NHEJ1: variants seen among roughly 807,000 people sequenced by gnomAD.
NHEJ1 encodes the protein non-homologous end-joining factor 1.
In NHEJ1, 22 loss-of-function variants were observed where a neutral mutation model predicts 39.4. The observed-to-expected ratio is 0.56, with a 90% CI of 0.40 to 0.80. NHEJ1 has a LOEUF of 0.80. Among genes scored for constraint, NHEJ1 ranks in the 30% least tolerant of loss-of-function variants. The probability of loss-of-function intolerance (pLI) is 0.00; values close to 1 mark genes in which losing one functional copy is unlikely to be tolerated. For synonymous variants in NHEJ1, 154 were observed against 135.6 expected, an observed-to-expected ratio of 1.14 and a Z score of -0.94; for missense variants, 329 against 357.1, an observed-to-expected ratio of 0.92 and a Z score of 0.63.
chr2:219,118,441 C>G (rs1420431668), intron 5 of NHEJ1, among the ~76,000 whole-genome samples: 1 of 151,876 alleles, frequency 6.6e-6, no homozygotes, highest in Non-Finnish European at 1.5e-5. Context: ...CTCCCCAGAG[C>G]TCCGTTATTC....
chr2:219,149,326 G>C (rs556081304), intron 3 of NHEJ1, among the ~76,000 whole-genome samples: 1 of 152,212 alleles, frequency 6.6e-6, no homozygotes, highest in Non-Finnish European at 1.5e-5. Flanking sequence ...CCATTAACCT[G>C]TCAAAAAAAA....
Position 219,089,110 on chromosome 2 carries a change from C to T in NHEJ1, c.589-10904G>A, listed in dbSNP as rs142190120. Among the ~76,000 whole-genome samples, 1,166 of 152,256 alleles carry T rather than the reference C, an allele frequency of 7.7e-3. 11 individuals are homozygous for T. Among genetic ancestry groups the T allele is most frequent in the Non-Finnish European group, 0.012 (824 of 68,020 alleles). The stretch of plus-strand genomic sequence containing the variant: ...CTCGGATTACAGGCATGAGCCATTG[C>T]GCCCAGCCTATACTTCAATTTTAAA... On this transcript the variant is annotated intron_variant, in intron 5 of 7. Transcript: ENST00000356853.
rs188961758 is a variant in NHEJ1 at position 219,156,820 on chromosome 2, G to A, written c.390+652C>T. 2.6e-4 allele frequency among the ~76,000 whole-genome samples: 40 copies of A among 152,302 alleles called. 2 individuals carry two copies. The East Asian group carries it at 6.0e-3, about 23-fold the overall frequency. ...TGCCAGAATAATCTTGATAAACCACGAATTGGATCATGTTAAATTCCTGTT... is the reference window on the plus strand; with the variant it reads ...TGCCAGAATAATCTTGATAAACCACAAATTGGATCATGTTAAATTCCTGTT... On this transcript the variant is annotated intron_variant, in intron 3 of 7. Transcript: ENST00000356853.
At position 219,157,661 on chromosome 2, in the gene NHEJ1, A is replaced by G. The variant is rs752649143; in HGVS notation, c.201T>C (p.Ala67=). 6.2e-7 allele frequency: 1 copy of G among 1,613,954 alleles called. No individual in the cohort carries two copies. The highest frequency in any genetic ancestry group is 8.5e-7 in the Non-Finnish European group (1 of 1,179,932). Residue 67 remains alanine (A), a synonymous_variant, in exon 3 of 8, where the codon GCT becomes GCC. Transcript: ENST00000356853. ...RAKELNKRLT[A]PPAAFLCHLD... ...AATGACAGAGGAAAGCTGCAGGAGG[A>G]GCAGTGAGCCGCTTGTTCAGCTCCT...
At chr2:219,141,919 T>A (rs1367821787) in intron 5 of NHEJ1, among the ~76,000 whole-genome samples, 3 of 151,970 alleles carry the variant, frequency 2.0e-5, no homozygotes. Context: ...AGATGGCAAT[T>A]TTCAAGTTAA....
rs1253648650 is a variant in NHEJ1 at position 219,159,556 on chromosome 2, TATATATGCATATATATATGC to T, written c.-1+1144_-1+1163del. Among the ~76,000 whole-genome samples, 141 of 16,548 alleles carry T rather than the reference TATATATGCATATATATATGC, an allele frequency of 8.5e-3. 8 individuals are homozygous for T. Among genetic ancestry groups the T allele is most frequent in the African/African-American group, 0.014 (119 of 8,644 alleles). 10.9% of individuals were successfully genotyped at this position (16,548 alleles called of 152,430 possible). The stretch of plus-strand genomic sequence containing the variant: ...ATATATGCATATATATATATGCATA[TATATATGCATATATATATGC>T]ATATATATATGCATATATATATATG... On this transcript the variant is annotated intron_variant, in intron 1 of 7. Coordinates refer to ENST00000356853, the MANE Select transcript of NHEJ1 (RefSeq NM_024782.3).
chr2:219,076,258 C>A lies in NHEJ1; in HGVS notation c.*123G>T. 6.3e-7 allele frequency: 1 copy of A among 1,576,824 alleles called. No homozygotes were observed. Among genetic ancestry groups the A allele is most frequent in the South Asian group, 1.2e-5 (1 of 86,832 alleles). ...TCAACATCAACTTCAGTTCTCTCGC[C>A]CTTACAGGAGGCCTCTGACTGTATC... On this transcript the variant is annotated 3_prime_UTR_variant, in exon 8 of 8. Transcript: ENST00000356853.
chr2:219,143,258 G>A (rs1485581391), intron 5 of NHEJ1, among the ~76,000 whole-genome samples: 1 of 152,042 alleles, frequency 6.6e-6, no homozygotes, highest in East Asian at 1.9e-4. Context: ...ACCCTTCTGT[G>A]TCCTGTTTGT....
chr2:219,159,216 T>A (rs1559205932), intron 1 of NHEJ1: 1 of 152,228 alleles, frequency 6.6e-6, no homozygotes, highest in African/African-American at 2.4e-5. Context: ...AATGACAACA[T>A]GCCCAGCCTG....
At chr2:219,153,703 G>GGA (rs1949821264) in intron 3 of NHEJ1, among the ~76,000 whole-genome samples, 1 of 117,008 alleles carries the variant, frequency 8.5e-6, no homozygotes, top group Admixed American at 8.3e-5. Context: ...GGGGGGGGGG[G>GGA]TGGAGAGAGA....
rs1478697005 is a variant in NHEJ1, at chr2:219,137,588, AAAAAC to A, written c.588+9087_588+9091del. On this transcript the variant is annotated intron_variant, in intron 5 of 7. Coordinates refer to ENST00000356853, the MANE Select transcript of NHEJ1 (RefSeq NM_024782.3). ...TTACAGGCAAAAAAAAAAAAAAAAA[AAAAAC>A]AAAAAAAACTGAAAACCACCTTCAG... Among the ~76,000 whole-genome samples the A allele has an allele frequency of 2.1e-4, 29 of 138,456 alleles. 1 individual carries two copies. The highest frequency in any genetic ancestry group is 3.4e-4 in the Non-Finnish European group (21 of 62,272). The allele number at this position is 138,456 out of a possible 152,430, so 90.8% of individuals were successfully genotyped here. A position where few individuals can be genotyped will look rare whatever the true frequency, so the allele number is the denominator to read the frequency against.
At chr2:219,099,999 ACTG>A (rs1949241836) in intron 5 of NHEJ1, among the ~76,000 whole-genome samples, 1 of 152,168 alleles carries the variant, frequency 6.6e-6, no homozygotes, top group African/African-American at 2.4e-5. Flanking sequence ...TGGGAGGTCC[ACTG>A]AGGGGAGGGG....
At chr2:219,106,717 A>G (rs1479767671) in intron 5 of NHEJ1, among the ~76,000 whole-genome samples, 2 of 152,162 alleles carry the variant, frequency 1.3e-5, no homozygotes, top group Non-Finnish European at 2.9e-5. Context: ...GTAGCGCCAT[A>G]CTCAATGTTA....
At chr2:219,077,492 C>T (rs1198541472) in intron 6 of NHEJ1, 128 bp from the exon 7 acceptor site, 2 of 773,550 alleles carry the variant, frequency 2.6e-6, no homozygotes, top group African/African-American at 3.4e-5. Flanking sequence ...ACAGAAGTAG[C>T]CACAAGTCCA....
Position 219,157,456 on chromosome 2 carries a change from T to A in NHEJ1, c.390+16A>T, listed in dbSNP as rs1949865004. 1 of 1,609,954 alleles carries A rather than the reference T, an allele frequency of 6.2e-7. No homozygotes were observed. The highest frequency in any genetic ancestry group is 1.7e-5 in the Admixed American group (1 of 59,988). ...CTGGCATCCCTCCCCCAACCCCACA[T>A]TCGAATTACACTTACCAGGGAAGGA... On this transcript the variant is annotated intron_variant, in intron 3 of 7. Coordinates refer to ENST00000356853, the MANE Select transcript of NHEJ1 (RefSeq NM_024782.3).
intron 1 of NHEJ1, among the ~76,000 whole-genome samples, chr2:219,159,514 T>TATATATATATATGCAC (rs1949891976): frequency 4.6e-5 from 2 of 43,948 alleles, no homozygotes; most frequent in African/African-American, 1.2e-4. Flanking sequence ...GACATAACTT[T>TATATATATATATGCAC]ATATATATAT....
chr2:219,084,943 A>C (rs950122630), intron 5 of NHEJ1, among the ~76,000 whole-genome samples: 3 of 152,252 alleles, frequency 2.0e-5, no homozygotes, highest in Non-Finnish European at 4.4e-5. Context: ...TAGCAAGAGT[A>C]TTCTGCACAG....
chr2:219,085,549 C>T (rs1048632253), intron 5 of NHEJ1, among the ~76,000 whole-genome samples: 3 of 152,204 alleles, frequency 2.0e-5, no homozygotes, highest in African/African-American at 4.8e-5. Context: ...ACAAGGTCTT[C>T]CCTGATCATT....
intron 5 of NHEJ1, among the ~76,000 whole-genome samples, chr2:219,134,688 C>G (rs1396588342): frequency 6.6e-6 from 1 of 152,146 alleles, no homozygotes; most frequent in Non-Finnish European, 1.5e-5. Flanking sequence ...TGAGCTTCAA[C>G]CCTAGTTTTT....
Sources: allele counts gnomAD v4.1 joint callset (sites outside exome capture counted in the v4.1 genomes callset), GRCh38; gene constraint gnomAD v4.1.1; transcripts MANE v1.5; gene names NCBI Gene and HGNC (gene_info 2026-07-23, HGNC 2026-07-21).